ITGA1: variants seen among roughly 807,000 people sequenced by gnomAD.
The protein encoded by ITGA1 is integrin subunit alpha 1, also known as integrin alpha-1.
ITGA1 carries 85 observed loss-of-function variants against 145.9 expected under a neutral mutation model. The ratio of observed to expected loss-of-function variants is 0.58; its 90% confidence interval spans 0.49 to 0.70. The LOEUF is 0.70. Among genes scored for constraint, ITGA1 ranks in the 30% least tolerant of loss-of-function variants. ITGA1 has a pLI of 0.00. For synonymous variants in ITGA1, 520 were observed against 495.3 expected (o/e 1.05, Z -0.66); for missense variants, 1,351 against 1,418.7 (o/e 0.95, Z 0.77).
rs185382305 is a variant in ITGA1 at position 52,918,524 on chromosome 5, C to T, written c.1989-208C>T. On this transcript the variant is annotated intron_variant, in intron 15 of 28. Coordinates refer to ENST00000282588, the MANE Select transcript of ITGA1 (RefSeq NM_181501.2). ...GATCTTTGGTGTTTGAACCAAAAGC[C>T]CCAAATGGTTTCCAAATATAACCTA... Among the ~76,000 whole-genome samples the T allele has an allele frequency of 8.1e-4, 123 of 152,218 alleles. 1 individual carries two copies. In the East Asian group the frequency reaches 0.018, roughly 23 times the overall value.
At chr5:52,839,196 ATATGT>A (rs1331291826) in intron 1 of ITGA1, among the ~76,000 whole-genome samples, 3 of 152,188 alleles carry the variant, frequency 2.0e-5, no homozygotes, top group Non-Finnish European at 4.4e-5. Context: ...AATACCTGTT[ATATGT>A]TATATGTTAT....
rs987388753 is a variant in ITGA1, at chr5:52,927,678, A to G, written c.2694+14A>G. ...AGAGGAGAGATGGTGAGCAGATCATACAAAATACATGTAGAAATTGAATAT... is the reference window on the plus strand; with the variant it reads ...AGAGGAGAGATGGTGAGCAGATCATGCAAAATACATGTAGAAATTGAATAT... On this transcript the variant is annotated intron_variant, in intron 20 of 28. Transcript: ENST00000282588. 2.7e-5 allele frequency: 40 copies of G among 1,498,274 alleles called. No homozygotes were observed. Among genetic ancestry groups the G allele is most frequent in the Non-Finnish European group, 3.2e-5 (35 of 1,077,720 alleles). The allele number at this position is 1,498,274 out of a possible 1,614,324, so 92.8% of individuals were successfully genotyped here.
intron 1 of ITGA1, among the ~76,000 whole-genome samples, chr5:52,830,322 C>G (rs754697425): frequency 6.6e-6 from 1 of 152,082 alleles, no homozygotes; most frequent in Admixed American, 6.6e-5. Flanking sequence ...GATGATGAGG[C>G]TTTAATTCAG....
intron 2 of ITGA1, among the ~76,000 whole-genome samples, chr5:52,855,244 A>G (rs1018697838): frequency 2.0e-5 from 3 of 152,162 alleles, no homozygotes; most frequent in South Asian, 2.1e-4. Flanking sequence ...CCCTTTAGCA[A>G]CAAGGATTCT....
At chr5:52,857,085 A>G (rs1749526398) in intron 2 of ITGA1, among the ~76,000 whole-genome samples, 1 of 152,362 alleles carries the variant, frequency 6.6e-6, no homozygotes, top group African/African-American at 2.4e-5. Flanking sequence ...CTTAGAAGTC[A>G]TAGTATCATT....
intron 7 of ITGA1, among the ~76,000 whole-genome samples, chr5:52,886,824 G>C (rs1750058843): frequency 6.6e-6 from 1 of 152,114 alleles, no homozygotes; most frequent in Non-Finnish European, 1.5e-5. Context: ...TGTCGCCCAG[G>C]CTGGAATGCA....
chr5:52,807,421 ATGAAAT>A (rs984033735), intron 1 of ITGA1, among the ~76,000 whole-genome samples: 63 of 152,114 alleles, frequency 4.1e-4, no homozygotes, highest in African/African-American at 1.4e-3. Context: ...TGCAAAAAAA[ATGAAAT>A]TAAAGAAGAT....
chr5:52,905,350 A>G (rs1750383800), intron 11 of ITGA1: 1 of 152,764 alleles, frequency 6.5e-6, no homozygotes, highest in South Asian at 2.1e-4. Flanking sequence ...TTTAAAAGCT[A>G]GTAGCAGCAC....
chr5:52,944,499 C>T (rs1259450732), intron 26 of ITGA1, among the ~76,000 whole-genome samples: 1 of 152,154 alleles, frequency 6.6e-6, no homozygotes, highest in African/African-American at 2.4e-5. Context: ...ATATTATTTA[C>T]TTGATAATTT....
chr5:52,946,339 G>A (rs1182252371), intron 27 of ITGA1, among the ~76,000 whole-genome samples: 2 of 152,174 alleles, frequency 1.3e-5, no homozygotes, highest in Non-Finnish European at 2.9e-5. Context: ...TTTGAGATCA[G>A]CCTGGGCAAA....
chr5:52,940,237 T>G (rs1751034547), intron 26 of ITGA1, among the ~76,000 whole-genome samples: 2 of 152,160 alleles, frequency 1.3e-5, no homozygotes, highest in African/African-American at 4.8e-5. Context: ...TACCAAAGCT[T>G]GCACTTATCT....
chr5:52,866,863 T>C (rs1211415428), intron 6 of ITGA1, among the ~76,000 whole-genome samples: 2 of 152,138 alleles, frequency 1.3e-5, no homozygotes, highest in East Asian at 3.9e-4. Flanking sequence ...ACATAATGGA[T>C]AACAGGCAAA....
At chr5:52,788,945 G>A (rs1204959303) in intron 1 of ITGA1, among the ~76,000 whole-genome samples, 2 of 152,160 alleles carry the variant, frequency 1.3e-5, no homozygotes, top group Non-Finnish European at 2.9e-5. Flanking sequence ...CCAAAATGAT[G>A]TTTCTATGTC....
chr5:52,944,827 T>C (rs926434306), intron 26 of ITGA1, 116 bp from the exon 27 acceptor site: 4 of 689,862 alleles, frequency 5.8e-6, no homozygotes, highest in Admixed American at 2.5e-5. Flanking sequence ...TTAACAAAAC[T>C]GGAATTTTTA....
intron 3 of ITGA1, 129 bp from the exon 4 acceptor site, chr5:52,864,634 T>G: frequency 1.6e-6 from 1 of 628,994 alleles, no homozygotes; most frequent in Non-Finnish European, 2.8e-6. Context: ...CTTGGAAGAC[T>G]AATTAGTTGA....
intron 1 of ITGA1, among the ~76,000 whole-genome samples, chr5:52,838,494 C>T (rs569535575): frequency 1.8e-4 from 28 of 152,232 alleles, no homozygotes; most frequent in Non-Finnish European, 3.7e-4. Flanking sequence ...TGATTGACCA[C>T]TTGTGTGTTA....
chr5:52,867,532 G>A (rs772387817), intron 6 of ITGA1, among the ~76,000 whole-genome samples: 6 of 152,104 alleles, frequency 3.9e-5, no homozygotes, highest in Non-Finnish European at 7.3e-5. Flanking sequence ...AGGGCAGCCT[G>A]CATCTTAACA....
chr5:52,944,379 C>T (rs941430411), intron 26 of ITGA1, among the ~76,000 whole-genome samples: 1 of 152,178 alleles, frequency 6.6e-6, no homozygotes, highest in Non-Finnish European at 1.5e-5. Context: ...CCCAAGCATT[C>T]AGGTACCCTA....
intron 7 of ITGA1, chr5:52,882,963 C>G (rs1278858783): frequency 6.6e-6 from 1 of 152,124 alleles, no homozygotes; most frequent in Non-Finnish European, 1.5e-5. Context: ...TAATAATGAT[C>G]CTGCAAAGAA....
Sources: gnomAD v4.1 joint callset for allele counts (sites outside exome capture counted in the v4.1 genomes callset) on GRCh38, gnomAD v4.1.1 for gene constraint, MANE v1.5 for transcripts, NCBI Gene and HGNC (gene_info 2026-07-23, HGNC 2026-07-21) for gene names.